The following NREP variants were observed in gnomAD, a reference collection of about 807,000 sequenced individuals.
The protein encoded by NREP is neuronal regeneration related protein.
In NREP, 5 loss-of-function variants were observed where a neutral mutation model predicts 8.6. The ratio of observed to expected loss-of-function variants is 0.58; its 90% CI spans 0.30 to 1.22. NREP has a LOEUF of 1.22. Ranked by LOEUF, NREP falls within the 50% of genes most tolerant of loss-of-function variation. The probability of loss-of-function intolerance (pLI) is 0.07; values close to 1 mark genes in which losing one functional copy is unlikely to be tolerated. For missense variants in NREP, 86 were observed against 82.5 expected (o/e 1.04, Z -0.17); for synonymous variants, 27 against 28.0 (o/e 0.96, Z 0.11).
chr5:111,848,644 C>G (rs1753236280), intron 2 of NREP, among the ~76,000 whole-genome samples: 1 of 151,980 alleles, frequency 6.6e-6, no homozygotes, highest in African/African-American at 2.4e-5. Context: ...TAGACAATTC[C>G]CCCCAACCCC....
chr5:111,772,704 C>T (rs1425961545), intron 2 of NREP, among the ~76,000 whole-genome samples: 5 of 151,860 alleles, frequency 3.3e-5, no homozygotes, highest in African/African-American at 7.3e-5. Flanking sequence ...GCCTTCGACC[C>T]GGGAAAGCAG....
At chr5:111,876,023 G>C (rs1753899822) in intron 2 of NREP, among the ~76,000 whole-genome samples, 1 of 152,152 alleles carries the variant, frequency 6.6e-6, no homozygotes, top group Admixed American at 6.5e-5. Flanking sequence ...TGTGCCATTT[G>C]CCTAGGGTGC....
At chr5:111,878,282 G>A (rs987552292) in intron 2 of NREP, among the ~76,000 whole-genome samples, 1 of 152,204 alleles carries the variant, frequency 6.6e-6, no homozygotes, top group Non-Finnish European at 1.5e-5. Context: ...AAGAACAGAG[G>A]TTTAATTGAC....
At chr5:111,750,673 C>CATCACAGA (rs1456198081) in intron 2 of NREP, among the ~76,000 whole-genome samples, 1 of 152,200 alleles carries the variant, frequency 6.6e-6, no homozygotes, top group African/African-American at 2.4e-5. Flanking sequence ...GTTTGCTGCA[C>CATCACAGA]ATCACAGAAT....
chr5:111,817,588 G>A (rs920757062), intron 2 of NREP, among the ~76,000 whole-genome samples: 2 of 151,908 alleles, frequency 1.3e-5, no homozygotes, highest in African/African-American at 4.8e-5. Context: ...GGTGGATCAC[G>A]AGGTCAGGAG....
chr5:111,845,274 C>A (rs1753133129), intron 2 of NREP, among the ~76,000 whole-genome samples: 2 of 92,256 alleles, frequency 2.2e-5, no homozygotes, highest in Admixed American at 1.4e-4. Context: ...TCACTCAATG[C>A]ATCTTTTTTT....
At chr5:111,772,467 C>T (rs901062321) in intron 2 of NREP, among the ~76,000 whole-genome samples, 1 of 151,774 alleles carries the variant, frequency 6.6e-6, no homozygotes, top group African/African-American at 2.4e-5. Context: ...CATTTTGACC[C>T]AAGAAATATT....
intron 2 of NREP, among the ~76,000 whole-genome samples, chr5:111,873,490 G>T (rs1753835918): frequency 2.0e-5 from 3 of 152,174 alleles, no homozygotes; most frequent in Admixed American, 2.0e-4. Flanking sequence ...GTAGGGGACA[G>T]AAGTCTCCAA....
intron 2 of NREP, among the ~76,000 whole-genome samples, chr5:111,870,207 A>T (rs1223408454): frequency 1.3e-5 from 2 of 152,218 alleles, no homozygotes; most frequent in African/African-American, 4.8e-5. Flanking sequence ...AGGCAGGCAG[A>T]TCCCTTGAGG....
chr5:111,748,925 A>G (rs1482853165), intron 2 of NREP, among the ~76,000 whole-genome samples: 1 of 152,200 alleles, frequency 6.6e-6, no homozygotes, highest in African/African-American at 2.4e-5. Flanking sequence ...AAGTATACAG[A>G]GGAACATAAG....
chr5:111,818,193 A>G (rs1253059843), intron 2 of NREP, among the ~76,000 whole-genome samples: 1 of 152,188 alleles, frequency 6.6e-6, no homozygotes, highest in East Asian at 1.9e-4. Context: ...AATTCAGAAA[A>G]TCTGCAGTGT....
intron 2 of NREP, among the ~76,000 whole-genome samples, chr5:111,901,080 C>G (rs1418450663): frequency 6.6e-6 from 1 of 152,012 alleles, no homozygotes; most frequent in Non-Finnish European, 1.5e-5. Context: ...GGAATTTAGC[C>G]AAGGGATGCA....
chr5:111,773,343 C>T (rs1374925421), intron 2 of NREP, among the ~76,000 whole-genome samples: 5 of 152,090 alleles, frequency 3.3e-5, no homozygotes, highest in African/African-American at 1.2e-4. Flanking sequence ...GCAGATGTAA[C>T]AATAAATAGT....
chr5:111,897,872 T>G (rs1458838642), intron 2 of NREP, among the ~76,000 whole-genome samples: 2 of 152,182 alleles, frequency 1.3e-5, no homozygotes, highest in Non-Finnish European at 2.9e-5. Flanking sequence ...ATATTCTCAC[T>G]AATCAAAGAT....
intron 2 of NREP, among the ~76,000 whole-genome samples, chr5:111,956,718 CT>C (rs1756330659): frequency 6.6e-6 from 1 of 152,046 alleles, no homozygotes; most frequent in South Asian, 2.1e-4. Context: ...AATCCCAGCA[CT>C]TTGGGAGGTG....
intron 2 of NREP, among the ~76,000 whole-genome samples, chr5:111,812,190 G>A (rs905893070): frequency 4.6e-5 from 7 of 152,152 alleles, no homozygotes; most frequent in Non-Finnish European, 1.0e-4. Context: ...GGGAGGCTGA[G>A]GTGGGAAGAC....
intron 2 of NREP, among the ~76,000 whole-genome samples, chr5:111,942,597 A>G (rs893576714): frequency 2.6e-5 from 4 of 152,062 alleles, no homozygotes; most frequent in African/African-American, 9.7e-5. Flanking sequence ...CTGAAATGAT[A>G]TAGAAGTTGA....
chr5:111,883,892 C>T (rs899825999), intron 2 of NREP, among the ~76,000 whole-genome samples: 1 of 151,820 alleles, frequency 6.6e-6, no homozygotes, highest in Admixed American at 6.6e-5. Context: ...AAATTCACAC[C>T]CTGACATCAC....
At chr5:111,972,084 T>A (rs1308727231) in intron 2 of NREP, among the ~76,000 whole-genome samples, 1 of 152,094 alleles carries the variant, frequency 6.6e-6, no homozygotes, top group Non-Finnish European at 1.5e-5. Context: ...AGGATCTGAA[T>A]AGACACTTCT....
Sources: gnomAD v4.1 joint callset for allele counts (sites outside exome capture counted in the v4.1 genomes callset) on GRCh38, gnomAD v4.1.1 for gene constraint, MANE v1.5 for transcripts, NCBI Gene and HGNC (gene_info 2026-07-23, HGNC 2026-07-21) for gene names.